Variants in MARCHF1 observed in about 807,000 individuals in gnomAD.
MARCHF1 encodes E3 ubiquitin-protein ligase MARCHF1.
Under a neutral mutation model 54.2 loss-of-function variants are expected in MARCHF1, and 40 were observed. The observed-to-expected ratio is 0.74, with a 90% confidence interval of 0.57 to 0.96. MARCHF1 has a LOEUF of 0.96. Among genes scored for constraint, MARCHF1 ranks in the 40% least tolerant of loss-of-function variants. The probability of loss-of-function intolerance (pLI) is 0.00; values close to 1 mark genes in which losing one functional copy is unlikely to be tolerated. For synonymous variants in MARCHF1, 236 were observed against 236.3 expected, an observed-to-expected ratio of 1.00 and a Z score of 0.01; for missense variants, 586 against 656.5, an observed-to-expected ratio of 0.89 and a Z score of 1.17.
chr4:163,759,055 T>G (rs1432868666), intron 4 of MARCHF1, among the ~76,000 whole-genome samples: 1 of 151,996 alleles, frequency 6.6e-6, no homozygotes, highest in African/African-American at 2.4e-5. Flanking sequence ...TAATATAAAG[T>G]TTCATTCTTT....
intron 5 of MARCHF1, among the ~76,000 whole-genome samples, chr4:163,678,522 G>A (rs1743991480): frequency 1.3e-5 from 2 of 152,068 alleles, no homozygotes; most frequent in Admixed American, 1.3e-4. Flanking sequence ...CTCCTTTAAG[G>A]AAACAAATGT....
intron 1 of MARCHF1, among the ~76,000 whole-genome samples, chr4:164,152,550 A>G (rs1579577905): frequency 6.6e-6 from 1 of 152,172 alleles, no homozygotes; most frequent in Non-Finnish European, 1.5e-5. Flanking sequence ...TTTCCTTGAC[A>G]TACCTTGAAA....
chr4:164,185,636 T>C (rs1031203803), intron 1 of MARCHF1, among the ~76,000 whole-genome samples: 2 of 152,146 alleles, frequency 1.3e-5, no homozygotes, highest in South Asian at 4.1e-4. Flanking sequence ...TTAACTCAAA[T>C]ATTTGCTACA....
intron 1 of MARCHF1, among the ~76,000 whole-genome samples, chr4:164,255,418 C>CA (rs796888427): frequency 0.018 from 2,399 of 131,532 alleles, 63 homozygotes; most frequent in African/African-American, 0.062. Context: ...AATGAACAAA[C>CA]AAAAAAAAAA....
intron 2 of MARCHF1, among the ~76,000 whole-genome samples, chr4:164,064,410 C>T (rs1466434001): frequency 6.6e-5 from 10 of 152,064 alleles, no homozygotes; most frequent in Non-Finnish European, 1.5e-5. Flanking sequence ...CTTTTTGTGG[C>T]AATTGTGAAA....
intron 5 of MARCHF1, among the ~76,000 whole-genome samples, chr4:163,675,959 A>G (rs1743899079): frequency 6.6e-6 from 1 of 152,100 alleles, no homozygotes; most frequent in African/African-American, 2.4e-5. Context: ...ATTTTTCCCA[A>G]TATTTCTCTG....
At chr4:164,075,502 G>C (rs1754958037) in intron 2 of MARCHF1, among the ~76,000 whole-genome samples, 1 of 152,218 alleles carries the variant, frequency 6.6e-6, no homozygotes, top group Admixed American at 6.5e-5. Flanking sequence ...AGCAGAGCCA[G>C]ATCAGCATCA....
intron 1 of MARCHF1, among the ~76,000 whole-genome samples, chr4:164,198,368 A>G (rs976278176): frequency 6.6e-6 from 1 of 152,184 alleles, no homozygotes; most frequent in African/African-American, 2.4e-5. Flanking sequence ...GTAGAGGAAT[A>G]AAATTTGAGT....
intron 1 of MARCHF1, among the ~76,000 whole-genome samples, chr4:164,270,842 C>T (rs868769883): frequency 2.0e-5 from 3 of 152,120 alleles, no homozygotes; most frequent in Admixed American, 1.3e-4. Flanking sequence ...AAAATCTTAG[C>T]GTTCCTCTTA....
chr4:163,783,377 A>G (rs369152521), intron 4 of MARCHF1, among the ~76,000 whole-genome samples: 2 of 152,250 alleles, frequency 1.3e-5, no homozygotes, highest in African/African-American at 2.4e-5. Flanking sequence ...CATAGCTCAC[A>G]GGATCCTTGA....
At chr4:163,814,550 C>T (rs1748482949) in intron 4 of MARCHF1, among the ~76,000 whole-genome samples, 1 of 152,140 alleles carries the variant, frequency 6.6e-6, no homozygotes, top group South Asian at 2.1e-4. Flanking sequence ...AGCCATTGCA[C>T]TCTAGCCTGG....
intron 4 of MARCHF1, among the ~76,000 whole-genome samples, chr4:163,770,489 G>T (rs78257671): frequency 0.015 from 2,202 of 150,866 alleles, 46 homozygotes; most frequent in African/African-American, 0.05. Context: ...TAACATAGAA[G>T]CATAGTTGTT....
At chr4:164,073,588 A>T (rs944975285) in intron 2 of MARCHF1, among the ~76,000 whole-genome samples, 2 of 152,100 alleles carry the variant, frequency 1.3e-5, no homozygotes, top group African/African-American at 4.8e-5. Flanking sequence ...TGGCACATGC[A>T]TACCTATATA....
At chr4:164,269,549 C>T (rs1329134412) in intron 1 of MARCHF1, among the ~76,000 whole-genome samples, 5 of 152,296 alleles carry the variant, frequency 3.3e-5, no homozygotes, top group East Asian at 1.9e-4. Flanking sequence ...ATAATCCTTA[C>T]TTATTTCTAA....
chr4:163,961,592 G>T (rs543658496), intron 3 of MARCHF1, among the ~76,000 whole-genome samples: 1 of 151,696 alleles, frequency 6.6e-6, no homozygotes, highest in South Asian at 2.1e-4. Flanking sequence ...GTCCTATCTC[G>T]GTTTACCATG....
intron 8 of MARCHF1, among the ~76,000 whole-genome samples, chr4:163,546,443 A>G (rs1292510279): frequency 6.6e-6 from 1 of 152,228 alleles, no homozygotes; most frequent in Non-Finnish European, 1.5e-5. Context: ...GATTCTGCCT[A>G]TCACTTCCTT....
intron 1 of MARCHF1, among the ~76,000 whole-genome samples, chr4:164,366,960 T>C (rs7657074): frequency 0.41 from 62,351 of 151,764 alleles, 13,703 homozygotes; most frequent in Non-Finnish European, 0.49. Context: ...CACTGCAATA[T>C]TGCAAATTTG....
intron 1 of MARCHF1, among the ~76,000 whole-genome samples, chr4:164,318,810 T>C (rs1735064513): frequency 6.6e-6 from 1 of 152,188 alleles, no homozygotes; most frequent in South Asian, 2.1e-4. Context: ...TTTCACTAAG[T>C]CACAAAAGTA....
chr4:164,169,954 A>T (rs1340625322), intron 1 of MARCHF1, among the ~76,000 whole-genome samples: 1 of 152,078 alleles, frequency 6.6e-6, no homozygotes, highest in Non-Finnish European at 1.5e-5. Flanking sequence ...TCATTTAACA[A>T]CAGTAACTCA....
Sources: gnomAD v4.1 joint callset for allele counts (sites outside exome capture counted in the v4.1 genomes callset) on GRCh38, gnomAD v4.1.1 for gene constraint, MANE v1.5 for transcripts, NCBI Gene and HGNC (gene_info 2026-07-23, HGNC 2026-07-21) for gene names.